Variants in EGR2 observed in about 807,000 individuals in gnomAD.
EGR2 encodes E3 SUMO-protein ligase EGR2.
In EGR2, 2 loss-of-function variants were observed where a neutral mutation model predicts 21.2. That is an observed-to-expected ratio of 0.09 (90% CI 0.04 to 0.30). The LOEUF (loss-of-function observed/expected upper bound fraction) is 0.30. EGR2 is among the 10% of genes least tolerant of loss of function. The pLI, the probability that EGR2 is intolerant of heterozygous loss-of-function variation, is 1.00. For missense variants in EGR2, 458 were observed against 630.2 expected (o/e 0.73, Z 2.93); for synonymous variants, 282 against 258.2 (o/e 1.09, Z -0.88).
chr10:62,816,045 C>G lies in EGR2; in HGVS notation c.-16G>C. 1 of 1,614,066 alleles carries G rather than the reference C, an allele frequency of 6.2e-7. No homozygotes were observed. The highest frequency in any genetic ancestry group is 2.2e-5 in the East Asian group (1 of 44,884). ...CGGTCATCATTTGCTCCTCGCACAA[C>G]CTGGAGACCCAACTCCCTCGCTACC... is the stretch of plus-strand genomic sequence containing the variant. On this transcript the variant is annotated 5_prime_UTR_variant, in exon 1 of 2. Coordinates refer to ENST00000242480, the MANE Select transcript of EGR2 (RefSeq NM_000399.5).
chr10:62,818,297 C>T (rs1310416645), upstream of EGR2, among the ~76,000 whole-genome samples: 1 of 152,234 alleles, frequency 6.6e-6, no homozygotes, highest in African/African-American at 2.4e-5. Context: ...CCCCCTCCCT[C>T]CAAAACAGCC....
chr10:62,818,716 C>T (rs1222011990), upstream of EGR2: 40 of 767,646 alleles, frequency 5.2e-5, no homozygotes, highest in Non-Finnish European at 6.7e-5. Context: ...GCTCGGGTTA[C>T]GGCCCCCGCC....
chr10:62,818,494 A>C, upstream of EGR2: 1 of 1,047,796 alleles, frequency 9.5e-7, no homozygotes, highest in Non-Finnish European at 1.2e-6. Flanking sequence ...ATTTCTCAAG[A>C]AAGAAAGAAA....
At chr10:62,818,922 C>G (rs1838319543), upstream of EGR2, among the ~76,000 whole-genome samples, 1 of 152,164 alleles carries the variant, frequency 6.6e-6, no homozygotes, top group African/African-American at 2.4e-5. Flanking sequence ...CCCGAGTGCC[C>G]GGCCAGCAGG....
Position 62,816,268 on chromosome 10 carries a change from T to C in EGR2, c.-239A>G. 1.5e-6 allele frequency: 2 copies of C among 1,375,888 alleles called. No homozygotes were observed. Among genetic ancestry groups the C allele is most frequent in the Non-Finnish European group, 1.9e-6 (2 of 1,062,134 alleles). 85.2% of individuals were successfully genotyped at this position (1,375,888 alleles called of 1,614,324 possible). ...TGCCACTGACTCTCTCCTGTCTGTGTTCCGGCTGCTGGGAAGCCAGGAGTT... is the reference window on the plus strand; with the variant it reads ...TGCCACTGACTCTCTCCTGTCTGTGCTCCGGCTGCTGGGAAGCCAGGAGTT... On this transcript the variant is annotated 5_prime_UTR_variant, in exon 1 of 2. Coordinates refer to ENST00000242480, the MANE Select transcript of EGR2 (RefSeq NM_000399.5).
At position 62,815,876 on chromosome 10, in the gene EGR2, T is replaced by G. The variant is rs1842254352; in HGVS notation, c.154A>C (p.Asn52His). 1.9e-6 allele frequency: 3 copies of G among 1,614,076 alleles called. No individual in the cohort carries two copies. The highest frequency in any genetic ancestry group is 1.7e-6 in the Non-Finnish European group (2 of 1,179,928). Residue 52 changes from asparagine to histidine, a missense_variant, in exon 1 of 2, where the codon AAC becomes CAC. Coordinates refer to ENST00000242480, the MANE Select transcript of EGR2 (RefSeq NM_000399.5). ...CGCGGCTTACCTCCGGCCACTCCGTTCATCTGGTCAAAGGGGCCTCCCAGT... is the reference window on the plus strand; with the variant it reads ...CGCGGCTTACCTCCGGCCACTCCGTGCATCTGGTCAAAGGGGCCTCCCAGT... Reference protein sequence around the residue: ...AELGGPFDQMNGVAGDGMINI... With the variant: ...AELGGPFDQMHGVAGDGMINI...
upstream of EGR2, among the ~76,000 whole-genome samples, chr10:62,817,453 C>A (rs1564710017): frequency 6.6e-6 from 1 of 152,186 alleles, no homozygotes; most frequent in South Asian, 2.1e-4. This position sits in a 1 kb window ranked among gnomAD's most constrained non-coding sequence, Gnocchi z 4.4. Context: ...GCAGAGCGGG[C>A]TCCGGGCTCG....
At position 62,813,630 on chromosome 10, in the gene EGR2, G is replaced by A. The variant is rs1370482187; in HGVS notation, c.1008C>T (p.His336=). The A allele has an allele frequency of 1.2e-6, 2 of 1,612,918 alleles. No individual in the cohort carries two copies. The highest frequency in any genetic ancestry group is 2.2e-5 in the East Asian group (1 of 44,894). The change falls in exon 2 of 2, where the codon CAC becomes CAT. Residue 336 remains histidine (H), a synonymous_variant. Coordinates refer to ENST00000242480, the MANE Select transcript of EGR2 (RefSeq NM_000399.5). The surrounding 1 kb of genome is among the most constrained non-coding windows in gnomAD (Gnocchi z 5.7). ...CTGCTGGGCACGGGTAGGGCCTCTC[G>A]TGCACCGGCGTCTTGCTGGGTCTGT... ...YPNRPSKTPV[H]ERPYPCPAEG...
chr10:62,813,975 T>C lies in EGR2; in HGVS notation c.663A>G (p.Pro221=). ...AGAATCCAGGATAGTCTGGGATCAT[T>C]GGGAAGAGACCTGGGTCCGTGGCTG... ...PKPATDPGLF[P]MIPDYPGFFP... is the part of the protein sequence containing the mutation. Residue 221 remains proline, a synonymous_variant, in exon 2 of 2, where the codon CCA becomes CCG. Transcript: ENST00000242480. The surrounding 1 kb of genome is among the most constrained non-coding windows in gnomAD (Gnocchi z 5.7). 3 of 1,614,046 alleles carry C rather than the reference T, an allele frequency of 1.9e-6. No homozygotes were observed. Among genetic ancestry groups the C allele is most frequent in the Non-Finnish European group, 2.5e-6 (3 of 1,179,998 alleles).
upstream of EGR2, chr10:62,818,575 G>A: frequency 7.8e-7 from 1 of 1,278,030 alleles, no homozygotes; most frequent in South Asian, 1.2e-5. Flanking sequence ...GCGCTCTGGC[G>A]GGTCCCGCGG....
chr10:62,814,589 G>T lies in EGR2; in HGVS notation c.170-121C>A. ...AGAGTCTCAGCACTGTAGAGCTGTG[G>T]CAAAGTCCAAAAGGTGGGGAAATTG... On this transcript the variant is annotated intron_variant, in intron 1 of 1. Transcript: ENST00000242480. This position sits in a 1 kb window ranked among gnomAD's most constrained non-coding sequence, Gnocchi z 4.8. 1 of 1,000,976 alleles carries T rather than the reference G, an allele frequency of 1.0e-6. No homozygotes were observed. The highest frequency in any genetic ancestry group is 1.5e-6 in the Non-Finnish European group (1 of 648,494). The allele number at this position is 1,000,976 out of a possible 1,614,324, so 62.0% of individuals were successfully genotyped here.
upstream of EGR2, chr10:62,818,544 G>A (rs573518737): frequency 8.6e-4 from 1,067 of 1,246,018 alleles, 2 homozygotes; most frequent in Non-Finnish European, 1.1e-3. Flanking sequence ...TTCTTACCAC[G>A]TGCGCCAGCC....
At position 62,812,591 on chromosome 10, in the gene EGR2, T is replaced by G. The variant is rs1173612224; in HGVS notation, c.*616A>C. Reference sequence around the variant, plus strand: ...TATTGCTATGTTCCTCCCATCACATTGCACTTCTGTTCTCTGAGTTTATAA... The same window carrying G: ...TATTGCTATGTTCCTCCCATCACATGGCACTTCTGTTCTCTGAGTTTATAA... On this transcript the variant is annotated 3_prime_UTR_variant, in exon 2 of 2. Coordinates refer to ENST00000242480, the MANE Select transcript of EGR2 (RefSeq NM_000399.5). The G allele has an allele frequency of 6.5e-6, 1 of 152,794 alleles. No homozygotes were observed. Among genetic ancestry groups the G allele is most frequent in the Non-Finnish European group, 1.5e-5 (1 of 68,046 alleles). The allele number at this position is 152,794 out of a possible 1,614,324, so 9.5% of individuals were successfully genotyped here. A position where few individuals can be genotyped will look rare whatever the true frequency, so the allele number is the denominator to read the frequency against.
At chr10:62,815,528 A>G (rs1170695511) in intron 1 of EGR2, among the ~76,000 whole-genome samples, 1 of 151,846 alleles carries the variant, frequency 6.6e-6, no homozygotes, top group African/African-American at 2.4e-5. Flanking sequence ...GCCCCGGGAG[A>G]GGGGAGGTCG....
At chr10:62,818,036 G>A (rs1345374238), upstream of EGR2, among the ~76,000 whole-genome samples, 1 of 152,246 alleles carries the variant, frequency 6.6e-6, no homozygotes, top group African/African-American at 2.4e-5. Context: ...GGTCAGCCTC[G>A]CAGGCCTGTC....
At chr10:62,818,470 A>C (rs1838306681), upstream of EGR2, 8 of 921,466 alleles carry the variant, frequency 8.7e-6, no homozygotes, top group African/African-American at 1.8e-5. Flanking sequence ...CCCAGCAAAA[A>C]TGTGCAAAGT....
rs1842181811 is a variant in EGR2 at position 62,813,740 on chromosome 10, C to G, written c.898G>C (p.Ala300Pro). ...EGPRLPGSSS[A>P]AAAAAAAAAY... The stretch of plus-strand genomic sequence containing the variant: ...GCGGCGGCGGCGGCTGCTGCTGCTG[C>G]TGAGCTGCTACCAGGCAGCCGGGGT... Residue 300 changes from alanine to proline, a missense_variant, in exon 2 of 2, where the codon GCA becomes CCA. Transcript: ENST00000242480. The surrounding 1 kb of genome is among the most constrained non-coding windows in gnomAD (Gnocchi z 5.7). The G allele has an allele frequency of 1.2e-6, 2 of 1,611,740 alleles. No individual in the cohort carries two copies. Among genetic ancestry groups the G allele is most frequent in the Non-Finnish European group, 1.7e-6 (2 of 1,179,514 alleles).
In EGR2 at chr10:62,812,886, G is replaced by T; in HGVS notation, c.*321C>A. On this transcript the variant is annotated 3_prime_UTR_variant, in exon 2 of 2. Coordinates refer to ENST00000242480, the MANE Select transcript of EGR2 (RefSeq NM_000399.5). The stretch of plus-strand genomic sequence containing the variant: ...GATGGGTCAAAATAAGGGGAAGTGG[G>T]GTAGCAAAACCTAGTCAAACAACCC... 1 of 258,336 alleles carries T rather than the reference G, an allele frequency of 3.9e-6. No homozygotes were observed. Among genetic ancestry groups the T allele is most frequent in the East Asian group, 7.2e-5 (1 of 13,816 alleles). The allele number at this position is 258,336 out of a possible 1,614,324, so 16.0% of individuals were successfully genotyped here. A position where few individuals can be genotyped will look rare whatever the true frequency, so the allele number is the denominator to read the frequency against.
Position 62,812,251 on chromosome 10 carries a change from T to C in EGR2, c.*956A>G, listed in dbSNP as rs1842124479. On this transcript the variant is annotated 3_prime_UTR_variant, in exon 2 of 2. Transcript: ENST00000242480. ...TTCCAAATATTAATAGGCAGAAATA[T>C]ACAGCCATACTAAACTCAGGGAGTG... 7.1e-6 allele frequency: 1 copy of C among 140,276 alleles called. No homozygotes were observed. The highest frequency in any genetic ancestry group is 1.5e-5 in the Non-Finnish European group (1 of 65,330). The allele number at this position is 140,276 out of a possible 1,614,324, so 8.7% of individuals were successfully genotyped here.
Sources: gnomAD v4.1 joint callset for allele counts (sites outside exome capture counted in the v4.1 genomes callset) on GRCh38, gnomAD v4.1.1 for gene constraint, Gnocchi (gnomAD v3.1) non-coding constraint, MANE v1.5 for transcripts, NCBI Gene and HGNC (gene_info 2026-07-23, HGNC 2026-07-21) for gene names.